The following ULK4 variants were observed in gnomAD, a reference collection of about 807,000 sequenced individuals.
The protein encoded by ULK4 is inactive serine/threonine-protein kinase ULK4.
A neutral mutation model predicts 160.6 loss-of-function variants in ULK4; 133 were observed. That is an observed-to-expected ratio of 0.83 (90% CI 0.72 to 0.96). The LOEUF is 0.96. ULK4 is among the 40% of genes least tolerant of loss of function. The pLI, the probability that ULK4 is intolerant of heterozygous loss-of-function variation, is 0.00. For missense variants in ULK4, 1,580 were observed against 1,499.5 expected, an observed-to-expected ratio of 1.05 and a Z score of -0.89; for synonymous variants, 534 against 539.8, an observed-to-expected ratio of 0.99 and a Z score of 0.15.
intron 19 of ULK4, among the ~76,000 whole-genome samples, chr3:41,801,971 T>A (rs1206514288): frequency 6.8e-6 from 1 of 147,144 alleles, no homozygotes; most frequent in Non-Finnish European, 1.5e-5. Context: ...TCAGAAACAA[T>A]ACATACAAAA....
chr3:41,929,486 G>C (rs1445957456), intron 5 of ULK4, among the ~76,000 whole-genome samples: 1 of 152,136 alleles, frequency 6.6e-6, no homozygotes, highest in Non-Finnish European at 1.5e-5. Context: ...TGGAAGTTCT[G>C]GTCAGGGCAA....
At chr3:41,878,993 A>G (rs1240092450) in intron 17 of ULK4, among the ~76,000 whole-genome samples, 2 of 152,228 alleles carry the variant, frequency 1.3e-5, no homozygotes, top group Non-Finnish European at 2.9e-5. Flanking sequence ...ACTATATTAA[A>G]TAACACCAAA....
At chr3:41,279,191 T>C (rs1243364313) in intron 35 of ULK4, among the ~76,000 whole-genome samples, 6 of 135,862 alleles carry the variant, frequency 4.4e-5, no homozygotes. Context: ...GAAGAAAGGA[T>C]ATCAATGACT....
At chr3:41,907,463 A>AT (rs71989991) in intron 12 of ULK4, among the ~76,000 whole-genome samples, 10,507 of 151,136 alleles carry the variant, frequency 0.07, 713 homozygotes, top group African/African-American at 0.17. Flanking sequence ...AACCCAGCTA[A>AT]TTTTTTTTTA....
intron 32 of ULK4, among the ~76,000 whole-genome samples, chr3:41,478,122 A>T (rs1398264358): frequency 2.6e-5 from 4 of 152,076 alleles, no homozygotes; most frequent in Non-Finnish European, 5.9e-5. Context: ...CCTCACCCTC[A>T]TCCATGGGTC....
At chr3:41,516,078 G>C (rs1489055604) in intron 32 of ULK4, among the ~76,000 whole-genome samples, 2 of 120,818 alleles carry the variant, frequency 1.7e-5, no homozygotes, top group Non-Finnish European at 4.1e-5. Flanking sequence ...TCAATAAAAA[G>C]TAAATAAAAT....
chr3:41,783,529 CTG>C (rs1389078411), intron 21 of ULK4, among the ~76,000 whole-genome samples: 2 of 145,234 alleles, frequency 1.4e-5, no homozygotes, highest in African/African-American at 5.5e-5. Flanking sequence ...GACCAAGACT[CTG>C]TCTCAAAAAA....
intron 35 of ULK4, among the ~76,000 whole-genome samples, chr3:41,355,259 GA>G (rs1318697486): frequency 1.3e-5 from 2 of 152,134 alleles, no homozygotes; most frequent in Non-Finnish European, 2.9e-5. Flanking sequence ...AATTACCTTA[GA>G]ATGGTAGCTT....
At chr3:41,955,735 T>C (rs1347532349) in intron 1 of ULK4, 1 of 146,326 alleles carries the variant, frequency 6.8e-6, no homozygotes, top group Non-Finnish European at 1.5e-5. Context: ...CTGCCCGCCA[T>C]GAAGAAAGTG....
chr3:41,835,820 T>A (rs769648367), intron 18 of ULK4, 44 bp downstream of exon 18: 2 of 1,432,078 alleles, frequency 1.4e-6, no homozygotes, highest in Non-Finnish European at 1.9e-6. Context: ...CCAGAGTATG[T>A]CAGAACATGT....
At chr3:41,441,302 C>A (rs556114432) in intron 34 of ULK4, among the ~76,000 whole-genome samples, 4 of 151,972 alleles carry the variant, frequency 2.6e-5, no homozygotes, top group Non-Finnish European at 5.9e-5. Flanking sequence ...TCTCCCTCCC[C>A]CTAAGTACTG....
chr3:41,638,100 A>G (rs368642131), intron 30 of ULK4, among the ~76,000 whole-genome samples: 2 of 152,188 alleles, frequency 1.3e-5, no homozygotes, highest in East Asian at 3.9e-4. Context: ...AGATATACCA[A>G]TTTAAAAGGC....
chr3:41,825,448 A>C (rs1158487772), intron 18 of ULK4, among the ~76,000 whole-genome samples: 1 of 152,232 alleles, frequency 6.6e-6, no homozygotes, highest in Non-Finnish European at 1.5e-5. Flanking sequence ...CAGAATAACC[A>C]ATGCAGAGAA....
In ULK4 at chr3:41,282,497, A is replaced by G. The variant is rs189525486; in HGVS notation, c.3679-32923T>C. Among the ~76,000 whole-genome samples the G allele has an allele frequency of 4.2e-3, 635 of 152,314 alleles. 3 individuals carry two copies. Among genetic ancestry groups the G allele is most frequent in the African/African-American group, 0.015 (606 of 41,564 alleles). ...ACAGAGGCCTCAGAAATAACACCAC[A>G]CATCTACAATCATCTGATCTTTGAC... On this transcript the variant is annotated intron_variant, in intron 35 of 36. Coordinates refer to ENST00000301831, the MANE Select transcript of ULK4 (RefSeq NM_017886.4).
intron 1 of ULK4, among the ~76,000 whole-genome samples, chr3:41,959,195 C>T (rs1179828228): frequency 6.6e-6 from 1 of 152,178 alleles, no homozygotes; most frequent in African/African-American, 2.4e-5. Context: ...GAAACCCCAT[C>T]TCTACTAAAA....
intron 32 of ULK4, among the ~76,000 whole-genome samples, chr3:41,514,329 A>T (rs1482527309): frequency 6.6e-6 from 1 of 152,164 alleles, no homozygotes; most frequent in Non-Finnish European, 1.5e-5. Context: ...GCAGAGACAG[A>T]TTTTCTTTTT....
chr3:41,697,878 G>A (rs943514908), intron 27 of ULK4, among the ~76,000 whole-genome samples: 2 of 152,172 alleles, frequency 1.3e-5, no homozygotes, highest in Non-Finnish European at 2.9e-5. Flanking sequence ...TAGGCCTTCA[G>A]ATTCACTCAC....
intron 31 of ULK4, among the ~76,000 whole-genome samples, chr3:41,585,624 T>A (rs2064539208): frequency 6.6e-6 from 1 of 152,164 alleles, no homozygotes; most frequent in South Asian, 2.1e-4. Flanking sequence ...ATTTCTGTTA[T>A]ATGACACCAA....
At chr3:41,636,442 G>A (rs1410576793) in intron 30 of ULK4, among the ~76,000 whole-genome samples, 1 of 151,738 alleles carries the variant, frequency 6.6e-6, no homozygotes, top group South Asian at 2.1e-4. Flanking sequence ...GCTGAGGCAA[G>A]AAGATCACTT....
Sources: gnomAD v4.1 joint callset for allele counts (sites outside exome capture counted in the v4.1 genomes callset) on GRCh38, gnomAD v4.1.1 for gene constraint, MANE v1.5 for transcripts, NCBI Gene and HGNC (gene_info 2026-07-23, HGNC 2026-07-21) for gene names.